Variants in RSPH1 observed in about 807,000 individuals in gnomAD.
RSPH1 encodes radial spoke head component 1.
RSPH1 carries 32 observed loss-of-function variants against 44.2 expected under a neutral mutation model. That is an observed-to-expected ratio of 0.72 (90% CI 0.55 to 0.97). The LOEUF is 0.97. Ranked by LOEUF, RSPH1 falls within the 50% of genes least tolerant of loss-of-function variation. The probability of loss-of-function intolerance (pLI) is 0.00; values close to 1 mark genes in which losing one functional copy is unlikely to be tolerated. For synonymous variants in RSPH1, 134 were observed against 147.3 expected, an observed-to-expected ratio of 0.91 and a Z score of 0.65; for missense variants, 391 against 398.7, an observed-to-expected ratio of 0.98 and a Z score of 0.16.
intron 6 of RSPH1, among the ~76,000 whole-genome samples, chr21:42,480,541 G>A (rs1240161293): frequency 6.8e-6 from 1 of 148,070 alleles, no homozygotes; most frequent in Non-Finnish European, 1.5e-5. Context: ...TCGGGAGGCT[G>A]AGACAGGAGA....
At chr21:42,490,190 C>A (rs564833045) in intron 3 of RSPH1, among the ~76,000 whole-genome samples, 74 of 152,134 alleles carry the variant, frequency 4.9e-4, no homozygotes, top group Middle Eastern at 3.4e-3. Context: ...CACCCGCCAC[C>A]CAGGACCGTC....
rs186143421 is a variant in RSPH1 at position 42,475,544 on chromosome 21, G to A, written c.877+354C>T. Among the ~76,000 whole-genome samples, 782 of 148,664 alleles carry A rather than the reference G, an allele frequency of 5.3e-3. 13 individuals are homozygous for A. Among genetic ancestry groups the A allele is most frequent in the African/African-American group, 0.019 (762 of 40,288 alleles). Reference sequence around the variant, plus strand: ...GATCGCACCACTGTACTCCAGCCTGGGTGACATAGCAAGACTCCATCTCAA... The same window carrying A: ...GATCGCACCACTGTACTCCAGCCTGAGTGACATAGCAAGACTCCATCTCAA... On this transcript the variant is annotated intron_variant, in intron 8 of 8. Transcript: ENST00000291536.
At chr21:42,483,316 C>T (rs1034271191) in intron 5 of RSPH1, among the ~76,000 whole-genome samples, 6 of 151,750 alleles carry the variant, frequency 4.0e-5, no homozygotes, top group Admixed American at 3.3e-4. Context: ...TGATACCATC[C>T]TTAAATTCTC....
rs373429437 is a variant in RSPH1, at chr21:42,475,940, G to A, written c.835C>T (p.Arg279Trp). 54 of 1,611,312 alleles carry A rather than the reference G, an allele frequency of 3.4e-5. No homozygotes were observed. Among genetic ancestry groups the A allele is most frequent in the African/African-American group, 9.5e-5 (7 of 74,046 alleles). Residue 279 changes from arginine to tryptophan, a missense_variant, in exon 8 of 9, where the codon CGG (arginine) becomes TGG (tryptophan). Transcript: ENST00000291536. ...EDADVLREES[R>W]EYDQEEFRYD... is the part of the protein sequence containing the mutation. ...CGGAACTCCTCCTGGTCATACTCCC[G>A]GCTCTCTTCCCGGAGGACGTCTGCA...
rs73374124 is a variant in RSPH1 at position 42,475,749 on chromosome 21, C to T, written c.877+149G>A. Reference sequence around the variant, plus strand: ...CAGGGAGCAACGTTCTGAGATGGCTCCAGTGAGCGCTCACAGGGGGCCCCC... The same window carrying T: ...CAGGGAGCAACGTTCTGAGATGGCTTCAGTGAGCGCTCACAGGGGGCCCCC... On this transcript the variant is annotated intron_variant, in intron 8 of 8. Transcript: ENST00000291536. 2,318 of 639,842 alleles carry T rather than the reference C, an allele frequency of 3.6e-3. 44 individuals are homozygous for T. In the African/African-American group the frequency reaches 0.042, roughly 12 times the overall value. 39.6% of individuals were successfully genotyped at this position (639,842 alleles called of 1,614,324 possible). A position where few individuals can be genotyped will look rare whatever the true frequency, so the allele number is the denominator to read the frequency against.
chr21:42,486,888 C>A (rs979495587), intron 3 of RSPH1, among the ~76,000 whole-genome samples: 8 of 152,192 alleles, frequency 5.3e-5, no homozygotes, highest in African/African-American at 1.9e-4. Context: ...GGTTGTCTGA[C>A]CCATTGCCAG....
intron 3 of RSPH1, among the ~76,000 whole-genome samples, chr21:42,487,510 G>C (rs1302058826): frequency 1.3e-5 from 2 of 152,218 alleles, no homozygotes; most frequent in Non-Finnish European, 1.5e-5. Flanking sequence ...CATTCAAAGA[G>C]TATTAGCTAA....
At chr21:42,489,187 G>A (rs938343338) in intron 3 of RSPH1, among the ~76,000 whole-genome samples, 4 of 151,684 alleles carry the variant, frequency 2.6e-5, no homozygotes, top group African/African-American at 9.7e-5. Flanking sequence ...TTGGTTGGCT[G>A]GTTCGTTGGT....
intron 6 of RSPH1, among the ~76,000 whole-genome samples, chr21:42,482,340 C>A (rs1425292575): frequency 2.6e-5 from 4 of 152,198 alleles, no homozygotes; most frequent in African/African-American, 9.7e-5. Context: ...GCTTCGGCCT[C>A]CCAAAGTGCT....
At chr21:42,493,455 A>G (rs1456149063) in intron 1 of RSPH1, among the ~76,000 whole-genome samples, 1 of 152,224 alleles carries the variant, frequency 6.6e-6, no homozygotes, top group African/African-American at 2.4e-5. Context: ...TGCGGGTAGA[A>G]CAGTTCAAGT....
At chr21:42,477,480 T>C in intron 6 of RSPH1, 36 bp from the exon 7 acceptor site, 1 of 1,602,632 alleles carries the variant, frequency 6.2e-7, no homozygotes, top group Non-Finnish European at 8.5e-7. Flanking sequence ...TTACCAACAT[T>C]TGTGTCATCT....
At chr21:42,490,093 G>A (rs897897362) in intron 3 of RSPH1, among the ~76,000 whole-genome samples, 1 of 151,908 alleles carries the variant, frequency 6.6e-6, no homozygotes, top group Non-Finnish European at 1.5e-5. Flanking sequence ...TGGGGTCTAG[G>A]CCTCCCCCAC....
chr21:42,478,407 G>A (rs757184869), intron 6 of RSPH1, among the ~76,000 whole-genome samples: 32 of 152,226 alleles, frequency 2.1e-4, no homozygotes, highest in Non-Finnish European at 2.1e-4. Flanking sequence ...ACTTAGATCA[G>A]AATCACCCAG....
Position 42,474,754 on chromosome 21 carries a change from T to G in RSPH1, c.877+1144A>C, listed in dbSNP as rs146397402. Among the ~76,000 whole-genome samples, 828 of 149,220 alleles carry G rather than the reference T, an allele frequency of 5.5e-3. 8 individuals are homozygous for G. The highest frequency in any genetic ancestry group is 0.02 in the African/African-American group (786 of 38,768). On this transcript the variant is annotated intron_variant, in intron 8 of 8. Transcript: ENST00000291536. The surrounding 1 kb of genome is among the most constrained non-coding windows in gnomAD (Gnocchi z 5.2). ...CCCACCTCAGCACTGCGTCACTGGGTGCATTGCTACAGCGCTCAGGGGAAT... is the reference window on the plus strand; with the variant it reads ...CCCACCTCAGCACTGCGTCACTGGGGGCATTGCTACAGCGCTCAGGGGAAT...
At chr21:42,476,987 ACC>A (rs1289659067) in intron 7 of RSPH1, among the ~76,000 whole-genome samples, 1 of 52,572 alleles carries the variant, frequency 1.9e-5, no homozygotes, top group Non-Finnish European at 4.2e-5. Context: ...GATGCCCCAC[ACC>A]CTCTGTCCCA....
intron 3 of RSPH1, among the ~76,000 whole-genome samples, chr21:42,491,278 T>C (rs1320734963): frequency 6.6e-6 from 1 of 152,146 alleles, no homozygotes; most frequent in Non-Finnish European, 1.5e-5. Context: ...GTGGGGTCTG[T>C]GCTAACTCTG....
At chr21:42,487,560 T>C (rs1400679392) in intron 3 of RSPH1, among the ~76,000 whole-genome samples, 1 of 152,242 alleles carries the variant, frequency 6.6e-6, no homozygotes, top group Non-Finnish European at 1.5e-5. Context: ...ATGTCAGACA[T>C]TAAAACTCAG....
chr21:42,474,521 C>G lies in RSPH1; in HGVS notation c.877+1377G>C, dbSNP rs2054023829. ...CTATCAAACCCAGTGTCTCCCCCTC[C>G]AGCTGTGCTCCACAGTGACTAAGGA... On this transcript the variant is annotated intron_variant, in intron 8 of 8. Coordinates refer to ENST00000291536, the MANE Select transcript of RSPH1 (RefSeq NM_080860.4). This position sits in a 1 kb window ranked among gnomAD's most constrained non-coding sequence, Gnocchi z 5.2. 2.0e-5 allele frequency among the ~76,000 whole-genome samples: 3 copies of G among 152,264 alleles called. No homozygotes were observed. Among genetic ancestry groups the G allele is most frequent in the Admixed American group, 2.0e-4 (3 of 15,288 alleles).
At chr21:42,484,618 T>C (rs1348951719) in intron 5 of RSPH1, 1 of 152,222 alleles carries the variant, frequency 6.6e-6, no homozygotes, top group Non-Finnish European at 1.5e-5. Flanking sequence ...TGTACTTGTG[T>C]ATTATTTGTA....
Sources: gnomAD v4.1 joint callset for allele counts (sites outside exome capture counted in the v4.1 genomes callset) on GRCh38, gnomAD v4.1.1 for gene constraint, Gnocchi (gnomAD v3.1) non-coding constraint, MANE v1.5 for transcripts, NCBI Gene and HGNC (gene_info 2026-07-23, HGNC 2026-07-21) for gene names.